ATP2A2: variants seen among roughly 807,000 people sequenced by gnomAD.
The protein encoded by ATP2A2 is sarcoplasmic/endoplasmic reticulum calcium ATPase 2.
ATP2A2 carries 14 observed loss-of-function variants against 109.3 expected under a neutral mutation model. The ratio of observed to expected loss-of-function variants is 0.13; its 90% CI spans 0.08 to 0.20. ATP2A2 has a LOEUF of 0.20. ATP2A2 is among the 10% of genes least tolerant of loss of function. The pLI is 1.00. For missense variants in ATP2A2, 657 were observed against 1,321.6 expected (o/e 0.50, Z 7.80); for synonymous variants, 506 against 490.9 (o/e 1.03, Z -0.41).
chr12:110,295,265 G>A (rs936172732), intron 4 of ATP2A2, among the ~76,000 whole-genome samples: 1 of 152,094 alleles, frequency 6.6e-6, no homozygotes, highest in African/African-American at 2.4e-5. Context: ...CAGGCTTAGT[G>A]ATCCTCCCAC....
intron 18 of ATP2A2, chr12:110,345,592 T>G: frequency 1.7e-5 from 13 of 780,056 alleles, no homozygotes; most frequent in East Asian, 2.8e-5. Flanking sequence ...TTAGGAGCTC[T>G]TCCTTAAAAG....
chr12:110,326,370 C>T lies in ATP2A2; in HGVS notation c.545-20C>T. On this transcript the variant is annotated intron_variant, in intron 6 of 19. Coordinates refer to ENST00000539276, the MANE Select transcript of ATP2A2 (RefSeq NM_170665.4). ...TGTGGGTCGCAGAGATCTGTTTTTT[C>T]TGTCTCACAACCCGCTTAGGTGAAT... 2 of 1,609,294 alleles carry T rather than the reference C, an allele frequency of 1.2e-6. No individual in the cohort carries two copies. Among genetic ancestry groups the T allele is most frequent in the Non-Finnish European group, 1.7e-6 (2 of 1,176,356 alleles).
At chr12:110,326,120 C>G (rs117656211) in intron 6 of ATP2A2, 6,176 of 502,490 alleles carry the variant, frequency 0.012, 56 homozygotes, top group Middle Eastern at 0.02. Flanking sequence ...AATAGTTACT[C>G]CAGAAAATAA....
chr12:110,313,677 C>T (rs1876348304), intron 5 of ATP2A2, among the ~76,000 whole-genome samples: 1 of 149,936 alleles, frequency 6.7e-6, no homozygotes, highest in Non-Finnish European at 1.5e-5. Context: ...TTAACTGTGA[C>T]CAACTTTTAT....
At chr12:110,305,976 A>G (rs953328278) in intron 5 of ATP2A2, among the ~76,000 whole-genome samples, 4 of 151,646 alleles carry the variant, frequency 2.6e-5, no homozygotes, top group African/African-American at 4.8e-5. Context: ...GGCGGGGGGA[A>G]TATTTGTAAT....
rs1483617703 is a variant in ATP2A2 at position 110,345,668 on chromosome 12, CTCACCCTT to C, written c.2741+291_2741+298del. On this transcript the variant is annotated intron_variant, in intron 18 of 19. Transcript: ENST00000539276. ...ATGCCAGCACCCACAGGGAAGGAACCTCACCCTTTCACACAGACAAATGGTACCATCCA... is the reference window on the plus strand; with the variant it reads ...ATGCCAGCACCCACAGGGAAGGAACCTCACACAGACAAATGGTACCATCCA... 4 of 575,288 alleles carry C rather than the reference CTCACCCTT, an allele frequency of 7.0e-6. No individual in the cohort carries two copies. The Admixed American group carries it at 9.0e-5, about 13-fold the overall frequency. The allele number at this position is 575,288 out of a possible 1,614,324, so 35.6% of individuals were successfully genotyped here. A position where few individuals can be genotyped will look rare whatever the true frequency, so the allele number is the denominator to read the frequency against.
At chr12:110,286,697 AT>A (rs1471290008) in intron 3 of ATP2A2, among the ~76,000 whole-genome samples, 1 of 146,690 alleles carries the variant, frequency 6.8e-6, no homozygotes, top group African/African-American at 2.5e-5. Flanking sequence ...TTTCCTCTTT[AT>A]TTAAAAAAAA....
chr12:110,286,394 T>C lies in ATP2A2; in HGVS notation c.219+3599T>C, dbSNP rs181776292. ...TTCTGTATCTTTTAATTTTTGATTT[T>C]AAAAATGGGATAAGAAGGGCAAATT... On this transcript the variant is annotated intron_variant, in intron 3 of 19. Coordinates refer to ENST00000539276, the MANE Select transcript of ATP2A2 (RefSeq NM_170665.4). Among the ~76,000 whole-genome samples, 850 of 152,326 alleles carry C rather than the reference T, an allele frequency of 5.6e-3. 13 individuals carry two copies. Among genetic ancestry groups the C allele is most frequent in the African/African-American group, 0.02 (821 of 41,574 alleles).
Position 110,343,166 on chromosome 12 carries a change from TG to T in ATP2A2, c.2319-65del. 4 of 1,529,154 alleles carry T rather than the reference TG, an allele frequency of 2.6e-6. 1 individual carries two copies. In the South Asian group the frequency reaches 4.5e-5, roughly 17 times the overall value. 94.7% of individuals were successfully genotyped at this position (1,529,154 alleles called of 1,614,324 possible). ...TTTCTGGAGGAGGGCGGGTTGATGA[TG>T]CTCTTTAAATAGTGGCCAGAAGTCA... On this transcript the variant is annotated intron_variant, in intron 15 of 19. Transcript: ENST00000539276.
rs1219996022 is a variant in ATP2A2, at chr12:110,281,274, C to T, written c.-516C>T. 6.6e-6 allele frequency: 1 copy of T among 151,536 alleles called. No individual in the cohort carries two copies. The highest frequency in any genetic ancestry group is 2.4e-5 in the African/African-American group (1 of 41,354). 9.4% of individuals were successfully genotyped at this position (151,536 alleles called of 1,614,324 possible). A position where few individuals can be genotyped will look rare whatever the true frequency, so the allele number is the denominator to read the frequency against. ...TAGAGCAGCCGCCGCGGAGCCGTCCCCGACGCCACCTCCTTTTCCTTCGCC... is the reference window on the plus strand; with the variant it reads ...TAGAGCAGCCGCCGCGGAGCCGTCCTCGACGCCACCTCCTTTTCCTTCGCC... On this transcript the variant is annotated 5_prime_UTR_variant, in exon 1 of 20. Coordinates refer to ENST00000539276, the MANE Select transcript of ATP2A2 (RefSeq NM_170665.4).
chr12:110,324,662 C>T (rs1033237123), intron 6 of ATP2A2, among the ~76,000 whole-genome samples: 2 of 151,906 alleles, frequency 1.3e-5, no homozygotes, highest in African/African-American at 2.4e-5. Flanking sequence ...TCTCATGATC[C>T]GCCTGCCTTG....
intron 5 of ATP2A2, among the ~76,000 whole-genome samples, chr12:110,307,524 G>A (rs1034346647): frequency 5.3e-5 from 8 of 152,130 alleles, no homozygotes; most frequent in African/African-American, 1.9e-4. Flanking sequence ...GTGAGCCACC[G>A]TGCCCAGCAA....
intron 5 of ATP2A2, among the ~76,000 whole-genome samples, chr12:110,301,877 T>G (rs766376424): frequency 6.6e-6 from 1 of 152,176 alleles, no homozygotes; most frequent in Non-Finnish European, 1.5e-5. Flanking sequence ...AAAGTCACCT[T>G]TTTTTGGAAG....
chr12:110,338,572 CCTCGGCCTCCTGA>C (rs1262626349), intron 11 of ATP2A2, among the ~76,000 whole-genome samples: 2 of 152,196 alleles, frequency 1.3e-5, no homozygotes, highest in Non-Finnish European at 2.9e-5. Flanking sequence ...AGTTCTCCTG[CCTCGGCCTCCTGA>C]GTAGCTGGGA....
intron 3 of ATP2A2, 23 bp from the exon 4 acceptor site, chr12:110,291,997 C>T (rs749623366): frequency 1.3e-6 from 2 of 1,596,172 alleles, no homozygotes; most frequent in Non-Finnish European, 1.7e-6. Context: ...AAGACACATT[C>T]TAACGTGCCA....
In ATP2A2 at chr12:110,281,936, C is replaced by A. The variant is rs186425832; in HGVS notation, c.118+29C>A. On this transcript the variant is annotated intron_variant, in intron 1 of 19. Transcript: ENST00000539276. ...GGTGCAGGGCGCTCCGCTGCAGGGG[C>A]CCGGCGCGGCCGGGAGAGCCAGGGA... 1,454 of 1,530,530 alleles carry A rather than the reference C, an allele frequency of 9.5e-4. 27 individuals are homozygous for A. In the East Asian group the frequency reaches 0.031, roughly 32 times the overall value. 94.8% of individuals were successfully genotyped at this position (1,530,530 alleles called of 1,614,324 possible).
At chr12:110,329,283 A>G (rs1878107144) in intron 8 of ATP2A2, 1 of 152,256 alleles carries the variant, frequency 6.6e-6, no homozygotes, top group African/African-American at 2.4e-5. Flanking sequence ...GTACATGTTC[A>G]GTACAGATGC....
intron 5 of ATP2A2, among the ~76,000 whole-genome samples, chr12:110,317,474 A>C (rs964136955): frequency 1.3e-5 from 2 of 152,024 alleles, no homozygotes; most frequent in Non-Finnish European, 2.9e-5. Flanking sequence ...GCAGTGGCGC[A>C]ATCTCAGCTC....
intron 5 of ATP2A2, among the ~76,000 whole-genome samples, chr12:110,307,967 C>T (rs963544263): frequency 1.3e-5 from 2 of 152,274 alleles, no homozygotes; most frequent in Admixed American, 6.5e-5. Context: ...AGGATATTTA[C>T]AGTTTGAGGC....
Sources: gnomAD v4.1 joint callset for allele counts (sites outside exome capture counted in the v4.1 genomes callset) on GRCh38, gnomAD v4.1.1 for gene constraint, MANE v1.5 for transcripts, NCBI Gene and HGNC (gene_info 2026-07-23, HGNC 2026-07-21) for gene names.